FHIT: variants seen among roughly 807,000 people sequenced by gnomAD.
FHIT encodes fragile histidine triad diadenosine triphosphatase.
A neutral mutation model predicts 17.9 loss-of-function variants in FHIT; 19 were observed. The ratio of observed to expected loss-of-function variants is 1.06; its 90% CI spans 0.74 to 1.56. The LOEUF (loss-of-function observed/expected upper bound fraction) is 1.56, where lower values mean the gene tolerates loss of function less well. FHIT is among the 40% of genes most tolerant of loss of function. The pLI, the probability that FHIT is intolerant of heterozygous loss-of-function variation, is 0.00. For synonymous variants in FHIT, 81 were observed against 69.7 expected, an observed-to-expected ratio of 1.16 and a Z score of -0.81; for missense variants, 248 against 189.2, an observed-to-expected ratio of 1.31 and a Z score of -1.82.
In FHIT at chr3:60,857,832, G is replaced by A. The variant is rs188542579; in HGVS notation, c.-110-35821C>T. ...AGTTCTAGTTACTTGGGAGGCTGAG[G>A]CAGGAGGATCAACTGAGCCCAGGAG... is the stretch of plus-strand genomic sequence containing the variant. On this transcript the variant is annotated intron_variant, in intron 3 of 9. Coordinates refer to ENST00000492590, the MANE Select transcript of FHIT (RefSeq NM_002012.4). Among the ~76,000 whole-genome samples the A allele has an allele frequency of 4.1e-4, 63 of 152,246 alleles. 1 individual carries two copies. Among genetic ancestry groups the A allele is most frequent in the Admixed American group, 2.7e-3 (42 of 15,280 alleles).
chr3:60,836,856 G>A (rs959042160), intron 3 of FHIT, among the ~76,000 whole-genome samples: 2 of 152,208 alleles, frequency 1.3e-5, no homozygotes, highest in African/African-American at 4.8e-5. Flanking sequence ...TAATATCTGT[G>A]TGTCTTGTTC....
At chr3:60,115,709 G>A (rs1051539260) in intron 5 of FHIT, among the ~76,000 whole-genome samples, 2 of 151,970 alleles carry the variant, frequency 1.3e-5, no homozygotes, top group African/African-American at 4.8e-5. Context: ...GATACACAAA[G>A]GTGAATACTT....
intron 5 of FHIT, among the ~76,000 whole-genome samples, chr3:60,214,699 A>G (rs1277561248): frequency 2.6e-5 from 4 of 152,192 alleles, no homozygotes; most frequent in Admixed American, 6.5e-5. Flanking sequence ...TTTCTGCCAA[A>G]AAGACATGTA....
rs562984844 is a variant in FHIT at position 61,245,626 on chromosome 3, C to T, written c.-213+5675G>A. On this transcript the variant is annotated intron_variant, in intron 1 of 9. Coordinates refer to ENST00000492590, the MANE Select transcript of FHIT (RefSeq NM_002012.4). Reference sequence around the variant, plus strand: ...AAGAAGCACAAACATACATGCTTATCCCACATCAACTATTACCTCAGATAA... The same window carrying T: ...AAGAAGCACAAACATACATGCTTATTCCACATCAACTATTACCTCAGATAA... 1.1e-4 allele frequency among the ~76,000 whole-genome samples: 16 copies of T among 152,274 alleles called. No individual in the cohort carries two copies. In the South Asian group the frequency reaches 3.3e-3, roughly 32 times the overall value.
chr3:60,370,407 C>T (rs367741876), intron 5 of FHIT, among the ~76,000 whole-genome samples: 32 of 152,262 alleles, frequency 2.1e-4, no homozygotes, highest in African/African-American at 7.2e-4. Context: ...TTATCTCCTC[C>T]CAGGGCTTTC....
At chr3:59,874,036 CA>C (rs1272305702) in intron 8 of FHIT, among the ~76,000 whole-genome samples, 1 of 152,070 alleles carries the variant, frequency 6.6e-6, no homozygotes, top group Non-Finnish European at 1.5e-5. Context: ...TCAGCACATG[CA>C]GTACTGGGAA....
At chr3:59,884,910 A>T (rs1247159567) in intron 8 of FHIT, among the ~76,000 whole-genome samples, 1 of 152,248 alleles carries the variant, frequency 6.6e-6, no homozygotes, top group African/African-American at 2.4e-5. Flanking sequence ...ATTTGATTGT[A>T]TCCAAATAGT....
At chr3:60,696,886 G>C (rs536765033) in intron 4 of FHIT, among the ~76,000 whole-genome samples, 1 of 152,150 alleles carries the variant, frequency 6.6e-6, no homozygotes, top group African/African-American at 2.4e-5. Flanking sequence ...CCAAGTTCTG[G>C]AAAATCAATG....
Position 60,025,133 on chromosome 3 carries a change from G to T in FHIT, c.104-10981C>A, listed in dbSNP as rs111851981. Among the ~76,000 whole-genome samples, 404 of 152,188 alleles carry T rather than the reference G, an allele frequency of 2.7e-3. 1 individual carries two copies. Among genetic ancestry groups the T allele is most frequent in the African/African-American group, 9.3e-3 (384 of 41,500 alleles). ...AGTGATGTAATTTTGAGATACGGTG[G>T]GTGGGACAGTGTCATGTAGCTCACC... is the stretch of plus-strand genomic sequence containing the variant. On this transcript the variant is annotated intron_variant, in intron 5 of 9. Transcript: ENST00000492590.
chr3:60,138,709 G>A (rs1448305181), intron 5 of FHIT, among the ~76,000 whole-genome samples: 1 of 152,076 alleles, frequency 6.6e-6, no homozygotes, highest in Non-Finnish European at 1.5e-5. Context: ...GAGAACTGGG[G>A]AATGGGGTGC....
intron 5 of FHIT, among the ~76,000 whole-genome samples, chr3:60,500,383 A>G (rs2034474957): frequency 6.6e-6 from 1 of 152,202 alleles, no homozygotes; most frequent in African/African-American, 2.4e-5. Flanking sequence ...GTTCTGGTCC[A>G]TTGTGTGTTT....
At chr3:61,220,098 T>C (rs562140637) in intron 1 of FHIT, among the ~76,000 whole-genome samples, 1 of 152,356 alleles carries the variant, frequency 6.6e-6, no homozygotes, top group African/African-American at 2.4e-5. Context: ...GGAAAGAGTC[T>C]GTGCATTCAG....
chr3:59,849,199 C>A (rs934127120), intron 8 of FHIT, among the ~76,000 whole-genome samples: 1 of 152,074 alleles, frequency 6.6e-6, no homozygotes, highest in African/African-American at 2.4e-5. Context: ...GGTGAAAGCC[C>A]ATGGCTCCAT....
At chr3:60,500,173 T>C (rs1458404825) in intron 5 of FHIT, among the ~76,000 whole-genome samples, 1 of 152,160 alleles carries the variant, frequency 6.6e-6, no homozygotes, top group Non-Finnish European at 1.5e-5. Context: ...GTAAATAAAG[T>C]TTTATTGGAA....
chr3:60,505,437 A>G (rs1170038570), intron 5 of FHIT, among the ~76,000 whole-genome samples: 1 of 152,244 alleles, frequency 6.6e-6, no homozygotes, highest in African/African-American at 2.4e-5. Context: ...AGCCTCATAG[A>G]AAAGATATGT....
intron 8 of FHIT, among the ~76,000 whole-genome samples, chr3:59,877,299 A>G (rs896985652): frequency 6.6e-6 from 1 of 152,222 alleles, no homozygotes; most frequent in African/African-American, 2.4e-5. Context: ...TAATTCTTTC[A>G]GGTTTTTCCT....
At chr3:60,262,690 C>T (rs213406) in intron 5 of FHIT, among the ~76,000 whole-genome samples, 117,638 of 151,800 alleles carry the variant, frequency 0.77, 46,039 homozygotes, top group East Asian at 0.99. Flanking sequence ...CCTAAAACTG[C>T]TAGACGCTGA....
At position 60,303,332 on chromosome 3, in the gene FHIT, G is replaced by A. The variant is rs141179595; in HGVS notation, c.103+233528C>T. Among the ~76,000 whole-genome samples the A allele has an allele frequency of 3.7e-3, 556 of 152,290 alleles. 4 individuals are homozygous for A. Among genetic ancestry groups the A allele is most frequent in the African/African-American group, 0.013 (533 of 41,568 alleles). Reference sequence around the variant, plus strand: ...CTAATGTGTTTTCGTTCTCAGATAAGGCTAATGGGTTTCAGCTCTCTTGCC... The same window carrying A: ...CTAATGTGTTTTCGTTCTCAGATAAAGCTAATGGGTTTCAGCTCTCTTGCC... On this transcript the variant is annotated intron_variant, in intron 5 of 9. Coordinates refer to ENST00000492590, the MANE Select transcript of FHIT (RefSeq NM_002012.4).
chr3:60,104,133 GA>G (rs1458025849), intron 5 of FHIT, among the ~76,000 whole-genome samples: 1 of 152,004 alleles, frequency 6.6e-6, no homozygotes, highest in African/African-American at 2.4e-5. Flanking sequence ...TTTTGGGGAG[GA>G]AAAAAAGTCC....
Sources: allele counts gnomAD v4.1 joint callset (sites outside exome capture counted in the v4.1 genomes callset), GRCh38; gene constraint gnomAD v4.1.1; transcripts MANE v1.5; gene names NCBI Gene and HGNC (gene_info 2026-07-23, HGNC 2026-07-21).